Variants in KLHL2 observed in about 807,000 individuals in gnomAD.
The protein encoded by KLHL2 is kelch-like protein 2.
A neutral mutation model predicts 75.8 loss-of-function variants in KLHL2; 15 were observed. The observed-to-expected ratio is 0.20, with a 90% CI of 0.13 to 0.30. The LOEUF (loss-of-function observed/expected upper bound fraction) is 0.30, where lower values mean the gene tolerates loss of function less well. Among genes scored for constraint, KLHL2 ranks in the 10% least tolerant of loss-of-function variants. KLHL2 has a pLI of 1.00. For missense variants in KLHL2, 381 were observed against 741.0 expected (o/e 0.51, Z 5.64); for synonymous variants, 214 against 251.9 (o/e 0.85, Z 1.42).
chr4:165,303,623 T>C (rs982388221), intron 8 of KLHL2, among the ~76,000 whole-genome samples: 19 of 152,152 alleles, frequency 1.2e-4, no homozygotes, highest in African/African-American at 4.1e-4. Context: ...AGTGCATTAG[T>C]GCAGTCTCAG....
At chr4:165,298,858 A>T (rs114937462) in intron 7 of KLHL2, among the ~76,000 whole-genome samples, 3,105 of 151,768 alleles carry the variant, frequency 0.02, 97 homozygotes, top group African/African-American at 0.071. Context: ...AATTGCTGGA[A>T]CCCGGCAGGT....
chr4:165,300,299 G>GA (rs557406496), intron 8 of KLHL2, among the ~76,000 whole-genome samples: 294 of 86,798 alleles, frequency 3.4e-3, no homozygotes, highest in Admixed American at 5.1e-3. Context: ...CTCAAAAAAA[G>GA]AAAAAAAAAA....
chr4:165,288,180 A>G (rs1744228077), intron 5 of KLHL2, among the ~76,000 whole-genome samples: 1 of 152,096 alleles, frequency 6.6e-6, no homozygotes, highest in Non-Finnish European at 1.5e-5. Context: ...ATTTTTGTGT[A>G]TGGCGTATAT....
chr4:165,311,190 C>T (rs1342658212), intron 10 of KLHL2, among the ~76,000 whole-genome samples: 5 of 152,018 alleles, frequency 3.3e-5, no homozygotes, highest in African/African-American at 1.2e-4. Context: ...TCAAGAATTT[C>T]CTTAAATGAT....
Position 165,311,448 on chromosome 4 carries a change from T to C in KLHL2, c.1238-16T>C, listed in dbSNP as rs544929872. The C allele has an allele frequency of 1.5e-5, 23 of 1,551,366 alleles. No individual in the cohort carries two copies. In the South Asian group the frequency reaches 2.4e-4, roughly 16 times the overall value. On this transcript the variant is annotated splice_polypyrimidine_tract_variant and intron_variant, in intron 10 of 14. Transcript: ENST00000226725. ...TTTTTAGAGAAGGAAATGAAGACTA[T>C]TGTGCTTTATTATAGGTTTGTCATC...
intron 8 of KLHL2, among the ~76,000 whole-genome samples, 187 bp from the exon 9 acceptor site, chr4:165,305,421 A>G (rs955509194): frequency 6.6e-6 from 1 of 152,136 alleles, no homozygotes; most frequent in African/African-American, 2.4e-5. Context: ...ATAGAATTGT[A>G]TTTTTAACGT....
chr4:165,210,015 C>A, intron 1 of KLHL2: 2 of 1,520,322 alleles, frequency 1.3e-6, no homozygotes, highest in Non-Finnish European at 1.8e-6. Context: ...CTTTACCGGG[C>A]CTCACTGCCA....
At chr4:165,254,780 TTTC>T (rs1470948124) in intron 4 of KLHL2, among the ~76,000 whole-genome samples, 1 of 152,284 alleles carries the variant, frequency 6.6e-6, no homozygotes, top group Non-Finnish European at 1.5e-5. Context: ...GTATGCTATG[TTTC>T]TTCTTTTGCA....
intron 4 of KLHL2, among the ~76,000 whole-genome samples, chr4:165,259,821 A>G (rs1579061384): frequency 6.6e-6 from 1 of 152,218 alleles, no homozygotes; most frequent in Non-Finnish European, 1.5e-5. Flanking sequence ...CAATTTGATT[A>G]TATCCCTAGC....
chr4:165,253,311 GATGTGAGGCACT>G (rs1232649525), intron 4 of KLHL2, among the ~76,000 whole-genome samples: 7 of 152,220 alleles, frequency 4.6e-5, no homozygotes, highest in African/African-American at 1.4e-4. Flanking sequence ...TGGGATTACA[GATGTGAGGCACT>G]ATGCTTGGCC....
chr4:165,243,507 A>T (rs1358859647), intron 4 of KLHL2, among the ~76,000 whole-genome samples: 1 of 152,256 alleles, frequency 6.6e-6, no homozygotes, highest in Non-Finnish European at 1.5e-5. Context: ...TTCATGAAAT[A>T]TATGTTGGAT....
chr4:165,288,402 C>G (rs940712646), intron 5 of KLHL2, among the ~76,000 whole-genome samples: 39 of 152,090 alleles, frequency 2.6e-4, no homozygotes, highest in African/African-American at 9.4e-4. Flanking sequence ...AAGATAATCA[C>G]TATTATTAGT....
chr4:165,310,871 T>G lies in KLHL2; in HGVS notation c.1237+121T>G. The G allele has an allele frequency of 1.5e-6, 1 of 689,434 alleles. No homozygotes were observed. The allele number at this position is 689,434 out of a possible 1,614,324, so 42.7% of individuals were successfully genotyped here. A position where few individuals can be genotyped will look rare whatever the true frequency, so the allele number is the denominator to read the frequency against. ...GTTTTTTGTGTTTTTTTTTTTTTTT[T>G]TGAGATGGAGTCTTGCTCCGTCGCC... On this transcript the variant is annotated intron_variant, in intron 10 of 14. Transcript: ENST00000226725.
intron 13 of KLHL2, among the ~76,000 whole-genome samples, chr4:165,315,792 G>T (rs1046330456): frequency 6.6e-6 from 1 of 152,146 alleles, no homozygotes; most frequent in African/African-American, 2.4e-5. Flanking sequence ...AGCTGGCAAA[G>T]AGTGGAGGAC....
chr4:165,293,082 C>A (rs899585251), intron 5 of KLHL2, among the ~76,000 whole-genome samples: 18 of 152,180 alleles, frequency 1.2e-4, no homozygotes, highest in African/African-American at 3.9e-4. Flanking sequence ...TAGCATATGG[C>A]AGAGCTGGGA....
intron 5 of KLHL2, among the ~76,000 whole-genome samples, chr4:165,264,728 ATATATATATATG>A (rs1384209270): frequency 0.016 from 1,162 of 73,392 alleles, 12 homozygotes; most frequent in Middle Eastern, 0.036. Flanking sequence ...ATACATATAT[ATATATATATATG>A]TATATATATA....
At chr4:165,268,797 G>T (rs1460675338) in intron 5 of KLHL2, among the ~76,000 whole-genome samples, 6 of 152,182 alleles carry the variant, frequency 3.9e-5, no homozygotes, top group Non-Finnish European at 8.8e-5. Context: ...CTGTTGATTT[G>T]GGGTGGAGAG....
At chr4:165,310,885 T>C (rs897617039) in intron 10 of KLHL2, 135 bp downstream of exon 10, 40 of 676,532 alleles carry the variant, frequency 5.9e-5, no homozygotes, top group Non-Finnish European at 8.7e-5. Flanking sequence ...GATGGAGTCT[T>C]GCTCCGTCGC....
At chr4:165,249,750 G>T (rs1340270476) in intron 4 of KLHL2, among the ~76,000 whole-genome samples, 1 of 152,204 alleles carries the variant, frequency 6.6e-6, no homozygotes, top group Non-Finnish European at 1.5e-5. Flanking sequence ...CTAGAGGGCA[G>T]GGTGCCCTGG....
Sources: gnomAD v4.1 joint callset for allele counts (sites outside exome capture counted in the v4.1 genomes callset) on GRCh38, gnomAD v4.1.1 for gene constraint, MANE v1.5 for transcripts, NCBI Gene and HGNC (gene_info 2026-07-23, HGNC 2026-07-21) for gene names.